The following GABRA4 variants were observed in gnomAD, a reference collection of about 807,000 sequenced individuals.
GABRA4 encodes gamma-aminobutyric acid receptor subunit alpha-4.
GABRA4 carries 12 observed loss-of-function variants against 49.7 expected under a neutral mutation model. The observed-to-expected ratio is 0.24, with a 90% CI of 0.15 to 0.39. GABRA4 has a LOEUF of 0.39. Among genes scored for constraint, GABRA4 ranks in the 10% least tolerant of loss-of-function variants. The pLI is 1.00. For synonymous variants in GABRA4, 288 were observed against 240.2 expected, an observed-to-expected ratio of 1.20 and a Z score of -1.84; for missense variants, 506 against 686.0, an observed-to-expected ratio of 0.74 and a Z score of 2.93.
rs1723254702 is a variant in GABRA4, at chr4:46,979,015, C to G, written c.273+16G>C. On this transcript the variant is annotated intron_variant, in intron 3 of 8. Coordinates refer to ENST00000264318, the MANE Select transcript of GABRA4 (RefSeq NM_000809.4). ...TTCAAGTCTCAAAAGGTACATTAAA[C>G]TTCGAAAATACCTACCATTTCAACA... 1 of 1,574,130 alleles carries G rather than the reference C, an allele frequency of 6.4e-7. No homozygotes were observed. The highest frequency in any genetic ancestry group is 1.4e-5 in the African/African-American group (1 of 73,924).
At chr4:46,972,977 G>A (rs1425806754) in intron 6 of GABRA4, among the ~76,000 whole-genome samples, 2 of 151,724 alleles carry the variant, frequency 1.3e-5, no homozygotes, top group African/African-American at 4.8e-5. Context: ...CACCTTTTAA[G>A]AACACAAACT....
chr4:46,978,687 C>CAAAAAAAAAAAAAAAA (rs71193889), intron 3 of GABRA4, among the ~76,000 whole-genome samples: 23 of 21,628 alleles, frequency 1.1e-3, no homozygotes, highest in Non-Finnish European at 1.2e-3. Flanking sequence ...AACTTCATCT[C>CAAAAAAAAAAAAAAAA]AAAAAAAAAA....
intron 7 of GABRA4, among the ~76,000 whole-genome samples, chr4:46,968,313 G>T (rs186574614): frequency 3.5e-4 from 53 of 151,220 alleles, no homozygotes; most frequent in Non-Finnish European, 5.5e-4. Flanking sequence ...GACATAATTT[G>T]TCTGCTCAAC....
At chr4:46,935,725 G>T (rs1312332207) in intron 8 of GABRA4, among the ~76,000 whole-genome samples, 1 of 152,016 alleles carries the variant, frequency 6.6e-6, no homozygotes, top group African/African-American at 2.4e-5. Flanking sequence ...GTAGATGACG[G>T]GTTGATGGGT....
At chr4:46,951,110 G>T (rs1382761971) in intron 8 of GABRA4, among the ~76,000 whole-genome samples, 4 of 151,996 alleles carry the variant, frequency 2.6e-5, no homozygotes, top group Non-Finnish European at 4.4e-5. Context: ...CTTCATATGG[G>T]TGAGTTCCAA....
Position 46,925,352 on chromosome 4 carries a change from G to A in GABRA4, c.*2873C>T, listed in dbSNP as rs944855319. On this transcript the variant is annotated 3_prime_UTR_variant, in exon 9 of 9. Coordinates refer to ENST00000264318, the MANE Select transcript of GABRA4 (RefSeq NM_000809.4). ...TCATTTTAAAATGTGGATTAATCAT[G>A]TAAATATATGTTTATACCTAGTCAT... The A allele has an allele frequency of 3.9e-5, 6 of 151,908 alleles. No homozygotes were observed. The highest frequency in any genetic ancestry group is 7.2e-5 in the African/African-American group (3 of 41,412). 9.4% of individuals were successfully genotyped at this position (151,908 alleles called of 1,614,324 possible).
At chr4:46,949,577 C>T (rs940723269) in intron 8 of GABRA4, among the ~76,000 whole-genome samples, 1 of 151,974 alleles carries the variant, frequency 6.6e-6, no homozygotes, top group African/African-American at 2.4e-5. Context: ...TTGAAGATCA[C>T]ATTGGAAAAA....
chr4:46,965,272 T>C (rs756310978), intron 7 of GABRA4, 43 bp from the exon 8 acceptor site: 2 of 1,368,278 alleles, frequency 1.5e-6, no homozygotes, highest in Non-Finnish European at 1.9e-6. Context: ...CTTACCATCA[T>C]TTGTATTAAA....
intron 8 of GABRA4, among the ~76,000 whole-genome samples, chr4:46,939,154 G>A (rs543922224): frequency 1.3e-5 from 2 of 152,064 alleles, no homozygotes; most frequent in African/African-American, 2.4e-5. Context: ...TTTCTCAGTG[G>A]TATAAGGATA....
At position 46,934,853 on chromosome 4, in the gene GABRA4, A is replaced by C. The variant is rs575220998; in HGVS notation, c.1135-6098T>G. Among the ~76,000 whole-genome samples, 10 of 152,314 alleles carry C rather than the reference A, an allele frequency of 6.6e-5. No individual in the cohort carries two copies. In the East Asian group the frequency reaches 1.9e-3, roughly 29 times the overall value. On this transcript the variant is annotated intron_variant, in intron 8 of 8. Transcript: ENST00000264318. ...CGCTTTGTTAGAGACTTCTTTGGTC[A>C]GAGCAGAGGTTCTTAGCTTGATTAA...
At chr4:46,951,217 T>C (rs186622954) in intron 8 of GABRA4, among the ~76,000 whole-genome samples, 1 of 151,858 alleles carries the variant, frequency 6.6e-6, no homozygotes, top group East Asian at 1.9e-4. Context: ...ATTAACAATG[T>C]TGAATGGGTT....
chr4:46,974,938 T>G (rs1289326763), intron 5 of GABRA4, among the ~76,000 whole-genome samples: 10 of 151,996 alleles, frequency 6.6e-5, no homozygotes, highest in Admixed American at 6.6e-4. Flanking sequence ...GACAACTGGC[T>G]ATGTTGTTTG....
intron 6 of GABRA4, among the ~76,000 whole-genome samples, chr4:46,972,319 C>A (rs931697663): frequency 1.3e-5 from 2 of 151,552 alleles, no homozygotes; most frequent in African/African-American, 4.8e-5. Flanking sequence ...TTATACAAAG[C>A]AGTTTTAATA....
rs113266011 is a variant in GABRA4 at position 46,977,811 on chromosome 4, A to C, written c.274-181T>G. Among the ~76,000 whole-genome samples the C allele has an allele frequency of 9.4e-3, 1,438 of 152,194 alleles. 11 individuals carry two copies. The highest frequency in any genetic ancestry group is 0.033 in the African/African-American group (1,355 of 41,562). ...AAAAAGATTCTCAGCAATTAGAATA[A>C]CTTTTATCCATCTTGATACCTTCAT... On this transcript the variant is annotated intron_variant, in intron 3 of 8. Transcript: ENST00000264318.
intron 7 of GABRA4, among the ~76,000 whole-genome samples, chr4:46,969,670 G>C (rs1019498985): frequency 1.3e-5 from 2 of 151,416 alleles, no homozygotes; most frequent in Non-Finnish European, 3.0e-5. Context: ...TATTGAGAAC[G>C]ATACATAACT....
intron 7 of GABRA4, among the ~76,000 whole-genome samples, chr4:46,966,913 GA>G (rs1194787770): frequency 6.6e-6 from 1 of 151,672 alleles, no homozygotes. Context: ...GCATATCTAT[GA>G]AAATGCTATA....
At chr4:46,984,889 T>C (rs1428631267) in intron 2 of GABRA4, among the ~76,000 whole-genome samples, 1 of 152,040 alleles carries the variant, frequency 6.6e-6, no homozygotes, top group Non-Finnish European at 1.5e-5. Context: ...CATTATCTTG[T>C]CAACTCCCAC....
rs1721103457 is a variant in GABRA4 at position 46,923,370 on chromosome 4, T to G, written c.*4855A>C. 6.6e-6 allele frequency: 1 copy of G among 152,140 alleles called. No homozygotes were observed. Among genetic ancestry groups the G allele is most frequent in the Admixed American group, 6.6e-5 (1 of 15,256 alleles). The allele number at this position is 152,140 out of a possible 1,614,324, so 9.4% of individuals were successfully genotyped here. On this transcript the variant is annotated 3_prime_UTR_variant, in exon 9 of 9. Transcript: ENST00000264318. The stretch of plus-strand genomic sequence containing the variant: ...AAAGTCAATTTAATTTTTTATTATT[T>G]AATGGCAGCATGTATGTCATATTGG...
intron 7 of GABRA4, among the ~76,000 whole-genome samples, chr4:46,968,833 A>G (rs979559207): frequency 4.6e-5 from 7 of 151,612 alleles, no homozygotes; most frequent in African/African-American, 1.7e-4. Context: ...GTTGTAATCA[A>G]TCAAGAAATA....
Sources: gnomAD v4.1 joint callset for allele counts (sites outside exome capture counted in the v4.1 genomes callset) on GRCh38, gnomAD v4.1.1 for gene constraint, MANE v1.5 for transcripts, NCBI Gene and HGNC (gene_info 2026-07-23, HGNC 2026-07-21) for gene names.